Variants in ANKRD11 observed in about 807,000 individuals in gnomAD.
ANKRD11 encodes ankyrin repeat domain-containing protein 11.
In ANKRD11, 17 loss-of-function variants were observed where a neutral mutation model predicts 195.7. The observed-to-expected ratio is 0.09, with a 90% confidence interval of 0.06 to 0.13. The LOEUF (loss-of-function observed/expected upper bound fraction) is 0.13. ANKRD11 is among the 10% of genes least tolerant of loss of function. ANKRD11 has a pLI of 1.00. For missense variants in ANKRD11, 3,735 were observed against 3,566.1 expected, an observed-to-expected ratio of 1.05 and a Z score of -1.21; for synonymous variants, 1,953 against 1,528.1, an observed-to-expected ratio of 1.28 and a Z score of -6.49.
chr16:89,307,157 C>G (rs2036333339), intron 3 of ANKRD11, among the ~76,000 whole-genome samples: 1 of 152,188 alleles, frequency 6.6e-6, no homozygotes, highest in Admixed American at 6.5e-5. Flanking sequence ...GTAACTTTCC[C>G]TAGGTAAGCT....
In ANKRD11 at chr16:89,280,463, G is replaced by A. The variant is rs759486921; in HGVS notation, c.6079C>T (p.Leu2027=). Residue 2027 remains leucine, a synonymous_variant, in exon 9 of 13, where the codon CTG becomes TTG. Transcript: ENST00000301030. ...TCCAGCCCCGGCTCAGCGACGGGCA[G>A]AGCGTACGGGGCAGGAGAGGCGGGA... ...APPASPAPYA[L]PVAEPGLEDV... The A allele has an allele frequency of 6.3e-7, 1 of 1,596,898 alleles. No individual in the cohort carries two copies. The highest frequency in any genetic ancestry group is 8.5e-7 in the Non-Finnish European group (1 of 1,170,560).
chr16:89,278,783 G>T (rs2033894408), intron 9 of ANKRD11: 1 of 612,712 alleles, frequency 1.6e-6, no homozygotes, highest in Non-Finnish European at 3.1e-6. Context: ...CGTGAAGGGG[G>T]AGCCCCACAC....
chr16:89,300,405 T>A (rs1049350133), intron 4 of ANKRD11: 5 of 184,296 alleles, frequency 2.7e-5, no homozygotes, highest in African/African-American at 1.2e-4. Context: ...CACATGCCCT[T>A]CCTGGCCAGA....
chr16:89,305,276 C>T lies in ANKRD11; in HGVS notation c.156G>A (p.Arg52=), dbSNP rs774681233. The part of the protein sequence containing the change: ...LERGDGGKEV[R]ERASKRKLPF... ...GCAGCTTCCGCTTGCTGGCTCGCTC[C>T]CTCACCTCCTTCCCGCCATCGCCAC... The change falls in exon 4 of 13, where the codon AGG becomes AGA. Residue 52 remains arginine (R), a synonymous_variant. Transcript: ENST00000301030. The T allele has an allele frequency of 3.7e-6, 6 of 1,613,866 alleles. No homozygotes were observed. The highest frequency in any genetic ancestry group is 2.2e-5 in the East Asian group (1 of 44,900).
At chr16:89,382,132 C>T (rs1406422504) in intron 2 of ANKRD11, among the ~76,000 whole-genome samples, 2 of 152,104 alleles carry the variant, frequency 1.3e-5, no homozygotes, top group East Asian at 1.9e-4. Flanking sequence ...AGCAGCTGGG[C>T]ACACCCAGGG....
chr16:89,324,152 C>T (rs1014916378), intron 2 of ANKRD11: 1 of 1,024,000 alleles, frequency 9.8e-7, no homozygotes, highest in African/African-American at 1.7e-5. Context: ...AGCCCTGTTT[C>T]CACTCACATT....
chr16:89,303,514 G>A (rs1019553885), intron 4 of ANKRD11, among the ~76,000 whole-genome samples: 4 of 152,296 alleles, frequency 2.6e-5, no homozygotes, highest in Admixed American at 6.5e-5. Context: ...GGAGCTGTCC[G>A]CTGCTGGGAA....
chr16:89,268,795 G>T, intron 12 of ANKRD11, 132 bp from the exon 13 acceptor site: 1 of 1,009,982 alleles, frequency 9.9e-7, no homozygotes, highest in Non-Finnish European at 1.5e-6. Context: ...GCCAGGCCCA[G>T]CTGTACCCGC....
At chr16:89,308,407 G>C (rs1003517278) in intron 3 of ANKRD11, among the ~76,000 whole-genome samples, 4 of 152,324 alleles carry the variant, frequency 2.6e-5, no homozygotes, top group African/African-American at 9.6e-5. Flanking sequence ...TGGACAGAAG[G>C]AACACTGTCC....
intron 2 of ANKRD11, among the ~76,000 whole-genome samples, chr16:89,342,994 C>T: frequency 6.6e-6 from 1 of 152,128 alleles, no homozygotes; most frequent in Non-Finnish European, 1.5e-5. Flanking sequence ...AGACTATGTA[C>T]TCATGTCTGT....
At chr16:89,378,890 A>G (rs979467216) in intron 2 of ANKRD11, among the ~76,000 whole-genome samples, 3 of 145,896 alleles carry the variant, frequency 2.1e-5, no homozygotes, top group Non-Finnish European at 3.0e-5. Flanking sequence ...GGGCTTTCCA[A>G]GGCTGAAAAC....
At chr16:89,394,028 G>A (rs576875383) in intron 2 of ANKRD11, among the ~76,000 whole-genome samples, 7 of 152,288 alleles carry the variant, frequency 4.6e-5, no homozygotes, top group East Asian at 3.9e-4. Flanking sequence ...TTTGCTGACT[G>A]CAACACAGCG....
intron 1 of ANKRD11, among the ~76,000 whole-genome samples, chr16:89,466,241 T>G (rs1446691145): frequency 6.6e-6 from 1 of 151,820 alleles, no homozygotes; most frequent in Non-Finnish European, 1.5e-5. Flanking sequence ...ATGATGATCT[T>G]ATTTATCTAA....
intron 1 of ANKRD11, among the ~76,000 whole-genome samples, chr16:89,465,188 T>C (rs1041680517): frequency 1.3e-5 from 2 of 152,334 alleles, no homozygotes; most frequent in Admixed American, 6.5e-5. Flanking sequence ...CCACAAGGTC[T>C]AACTGGCCCT....
chr16:89,268,745 G>A (rs1417010747), intron 12 of ANKRD11, 82 bp from the exon 13 acceptor site: 3 of 1,496,064 alleles, frequency 2.0e-6, no homozygotes, highest in South Asian at 2.5e-5. Flanking sequence ...TGCCAGCAGG[G>A]CCAAGGGCGT....
chr16:89,317,402 G>A (rs180905085), intron 2 of ANKRD11, among the ~76,000 whole-genome samples: 1 of 152,180 alleles, frequency 6.6e-6, no homozygotes, highest in Non-Finnish European at 1.5e-5. Context: ...GGTCCCACCT[G>A]GTACAGGCTA....
At chr16:89,383,790 C>T (rs147040736) in intron 2 of ANKRD11, among the ~76,000 whole-genome samples, 4 of 152,328 alleles carry the variant, frequency 2.6e-5, no homozygotes, top group Admixed American at 6.5e-5. Flanking sequence ...ATGCCAAGAG[C>T]CCAATCATGA....
chr16:89,318,061 A>C (rs962073589), intron 2 of ANKRD11, among the ~76,000 whole-genome samples: 1 of 152,148 alleles, frequency 6.6e-6, no homozygotes, highest in Non-Finnish European at 1.5e-5. Context: ...AGGAAACCCA[A>C]CAGGCAGTTG....
chr16:89,318,924 G>A (rs79642961), intron 2 of ANKRD11, among the ~76,000 whole-genome samples: 1,587 of 152,244 alleles, frequency 0.01, 25 homozygotes, highest in African/African-American at 0.035. Flanking sequence ...CTGAACCAAT[G>A]AATTTTACAT....
Sources: allele counts gnomAD v4.1 joint callset (sites outside exome capture counted in the v4.1 genomes callset), GRCh38; gene constraint gnomAD v4.1.1; transcripts MANE v1.5; gene names NCBI Gene and HGNC (gene_info 2026-07-23, HGNC 2026-07-21).